Variants in RAB39A observed in about 807,000 individuals in gnomAD.
RAB39A encodes RAB39A, member RAS oncogene family.
Under a neutral mutation model 20.9 loss-of-function variants are expected in RAB39A, and 17 were observed. The observed-to-expected ratio is 0.81, with a 90% CI of 0.56 to 1.22. The LOEUF (loss-of-function observed/expected upper bound fraction) is 1.22, where lower values mean the gene tolerates loss of function less well. Among genes scored for constraint, RAB39A ranks in the 50% most tolerant of loss-of-function variants. The pLI, the probability that RAB39A is intolerant of heterozygous loss-of-function variation, is 0.00. For synonymous variants in RAB39A, 99 were observed against 103.4 expected (o/e 0.96, Z 0.26); for missense variants, 234 against 270.5 (o/e 0.87, Z 0.95).
rs548526235 is a variant in RAB39A, at chr11:107,936,545, C to A, written c.227+7750C>A. On this transcript the variant is annotated intron_variant, in intron 1 of 1. Transcript: ENST00000320578. ...CTCTGTTCTTAATTTTAAAAGCAAG[C>A]AATATTAACATTTTAAATTTCTTCT... is the stretch of plus-strand genomic sequence containing the variant. Among the ~76,000 whole-genome samples the A allele has an allele frequency of 2.6e-5, 4 of 152,216 alleles. No individual in the cohort carries two copies. In the East Asian group the frequency reaches 7.7e-4, roughly 29 times the overall value.
In RAB39A at chr11:107,955,803, A is replaced by C. The variant is rs1861429482; in HGVS notation, c.228-6143A>C. 3.3e-5 allele frequency among the ~76,000 whole-genome samples: 5 copies of C among 151,982 alleles called. No homozygotes were observed. The South Asian group carries it at 1.0e-3, about 32-fold the overall frequency. ...TGGTGAGCCGAGATCACACCATTGC[A>C]CTCCAGCCTAGGCAACAAGAGTGAA... On this transcript the variant is annotated intron_variant, in intron 1 of 1. Coordinates refer to ENST00000320578, the MANE Select transcript of RAB39A (RefSeq NM_017516.3).
Position 107,961,980 on chromosome 11 carries a change from G to A in RAB39A, c.262G>A (p.Gly88Ser). 6.2e-7 allele frequency: 1 copy of A among 1,612,824 alleles called. No individual in the cohort carries two copies. The highest frequency in any genetic ancestry group is 8.5e-7 in the Non-Finnish European group (1 of 1,178,964). The part of the protein sequence containing the change: ...ITRSYYRNSV[G>S]GFLVFDITNR... ...CCGATCTTATTACCGCAACTCAGTT[G>A]GTGGATTTTTAGTATTTGACATTAC... Residue 88 changes from glycine (G) to serine (S), a missense_variant, in exon 2 of 2, where the codon GGT becomes AGT. Coordinates refer to ENST00000320578, the MANE Select transcript of RAB39A (RefSeq NM_017516.3).
chr11:107,931,785 A>G (rs749722766), intron 1 of RAB39A, among the ~76,000 whole-genome samples: 3 of 152,062 alleles, frequency 2.0e-5, no homozygotes, highest in Non-Finnish European at 2.9e-5. Flanking sequence ...TTGAAAGCAT[A>G]ATAAATGTAT....
At chr11:107,950,764 T>TAAAA (rs5794581) in intron 1 of RAB39A, among the ~76,000 whole-genome samples, 1 of 131,348 alleles carries the variant, frequency 7.6e-6, no homozygotes, top group African/African-American at 2.9e-5. Context: ...AGACCCTGTC[T>TAAAA]AAAAAAAAAA....
chr11:107,939,262 AAG>A (rs1398014930), intron 1 of RAB39A, among the ~76,000 whole-genome samples: 3 of 146,962 alleles, frequency 2.0e-5, no homozygotes, highest in Non-Finnish European at 3.0e-5. Context: ...AAAAAAAAAA[AAG>A]AGAGAGAGAA....
At chr11:107,930,628 C>T (rs960236804) in intron 1 of RAB39A, among the ~76,000 whole-genome samples, 1 of 152,022 alleles carries the variant, frequency 6.6e-6, no homozygotes, top group South Asian at 2.1e-4. Flanking sequence ...GATACTGAGG[C>T]GGGTGGATCA....
intron 1 of RAB39A, among the ~76,000 whole-genome samples, chr11:107,947,410 A>G (rs530866122): frequency 6.6e-6 from 1 of 152,142 alleles, no homozygotes; most frequent in Non-Finnish European, 1.5e-5. Context: ...CCTGGCCAAG[A>G]TGATTTTTCT....
chr11:107,932,898 A>G (rs1461931121), intron 1 of RAB39A, among the ~76,000 whole-genome samples: 2 of 152,062 alleles, frequency 1.3e-5, no homozygotes, highest in Admixed American at 6.6e-5. Context: ...TTTAGTAGAA[A>G]TGGGGTTTCA....
In RAB39A at chr11:107,928,883, G is replaced by T; in HGVS notation, c.227+88G>T. ...CCAGGCGTCCGCCCCGCCGGCCCTG[G>T]TCGGGAGAGGCTCTGGCCCTTCCCT... On this transcript the variant is annotated intron_variant, in intron 1 of 1. Transcript: ENST00000320578. This position sits in a 1 kb window ranked among gnomAD's most constrained non-coding sequence, Gnocchi z 4.9. 2.7e-6 allele frequency: 3 copies of T among 1,110,636 alleles called. No homozygotes were observed. The highest frequency in any genetic ancestry group is 3.8e-6 in the Non-Finnish European group (3 of 794,336). 68.8% of individuals were successfully genotyped at this position (1,110,636 alleles called of 1,614,324 possible).
At chr11:107,936,285 T>G (rs1209477427) in intron 1 of RAB39A, among the ~76,000 whole-genome samples, 1 of 152,150 alleles carries the variant, frequency 6.6e-6, no homozygotes, top group East Asian at 1.9e-4. Context: ...TTTTTATTTT[T>G]TCTTTACCCC....
chr11:107,946,053 G>T (rs1861303809), intron 1 of RAB39A, among the ~76,000 whole-genome samples: 1 of 151,836 alleles, frequency 6.6e-6, no homozygotes, highest in East Asian at 1.9e-4. Flanking sequence ...ATTTGAGTTT[G>T]CTGAATTAAA....
intron 1 of RAB39A, among the ~76,000 whole-genome samples, chr11:107,959,937 C>T (rs998404503): frequency 2.6e-5 from 4 of 152,112 alleles, no homozygotes; most frequent in Non-Finnish European, 5.9e-5. Flanking sequence ...CAATATTGGC[C>T]GCGGTGGCTC....
In RAB39A at chr11:107,946,223, G is replaced by T. The variant is rs182635405; in HGVS notation, c.228-15723G>T. Reference sequence around the variant, plus strand: ...ACAGAAACTTAATAAGGGAAAAAGAGAATGTTAAAAAACAAAAAAAAAAAC... The same window carrying T: ...ACAGAAACTTAATAAGGGAAAAAGATAATGTTAAAAAACAAAAAAAAAAAC... On this transcript the variant is annotated intron_variant, in intron 1 of 1. Transcript: ENST00000320578. 8.1e-4 allele frequency among the ~76,000 whole-genome samples: 115 copies of T among 142,800 alleles called. 3 individuals carry two copies. The East Asian group carries it at 0.021, about 26-fold the overall frequency. 93.7% of individuals were successfully genotyped at this position (142,800 alleles called of 152,430 possible). A position where few individuals can be genotyped will look rare whatever the true frequency, so the allele number is the denominator to read the frequency against.
In RAB39A at chr11:107,946,308, CTA is replaced by C. The variant is rs369739015; in HGVS notation, c.228-15621_228-15620del. Reference sequence around the variant, plus strand: ...ATTGCAACCATAAAGGAACAGGATACTATATATATATATATATACACACACAC... The same window carrying C: ...ATTGCAACCATAAAGGAACAGGATACTATATATATATATATACACACACAC... On this transcript the variant is annotated intron_variant, in intron 1 of 1. Coordinates refer to ENST00000320578, the MANE Select transcript of RAB39A (RefSeq NM_017516.3). Among the ~76,000 whole-genome samples the C allele has an allele frequency of 6.8e-3, 645 of 94,262 alleles. 10 individuals are homozygous for C. The highest frequency in any genetic ancestry group is 0.015 in the South Asian group (39 of 2,542). The allele number at this position is 94,262 out of a possible 152,430, so 61.8% of individuals were successfully genotyped here. A position where few individuals can be genotyped will look rare whatever the true frequency, so the allele number is the denominator to read the frequency against.
chr11:107,944,094 CAAA>C (rs753877590), intron 1 of RAB39A, among the ~76,000 whole-genome samples: 2 of 130,266 alleles, frequency 1.5e-5, no homozygotes, highest in African/African-American at 3.0e-5. Context: ...GACTCCATCT[CAAA>C]AAAAAAAAAA....
At chr11:107,960,045 A>G (rs561557178) in intron 1 of RAB39A, among the ~76,000 whole-genome samples, 3 of 152,262 alleles carry the variant, frequency 2.0e-5, no homozygotes, top group Admixed American at 2.0e-4. Context: ...CCCTGTCTCC[A>G]CTAAAAATAC....
chr11:107,952,140 A>G (rs775816142), intron 1 of RAB39A, among the ~76,000 whole-genome samples: 6 of 152,348 alleles, frequency 3.9e-5, no homozygotes, highest in Non-Finnish European at 8.8e-5. Context: ...TTGTCTCATT[A>G]TGCTAAAGCA....
At chr11:107,948,526 T>A (rs1162082176) in intron 1 of RAB39A, among the ~76,000 whole-genome samples, 1 of 151,736 alleles carries the variant, frequency 6.6e-6, no homozygotes, top group African/African-American at 2.4e-5. Flanking sequence ...GGATTCTCAG[T>A]CTGTCGCCCA....
At chr11:107,958,636 G>C (rs1214649902) in intron 1 of RAB39A, among the ~76,000 whole-genome samples, 1 of 152,156 alleles carries the variant, frequency 6.6e-6, no homozygotes, top group East Asian at 1.9e-4. Context: ...ATGTTATATT[G>C]AGTCCTTTTA....
Sources: gnomAD v4.1 joint callset for allele counts (sites outside exome capture counted in the v4.1 genomes callset) on GRCh38, gnomAD v4.1.1 for gene constraint, Gnocchi (gnomAD v3.1) non-coding constraint, MANE v1.5 for transcripts, NCBI Gene and HGNC (gene_info 2026-07-23, HGNC 2026-07-21) for gene names.